The following MDGA1 variants were observed in gnomAD, a reference collection of about 807,000 sequenced individuals.
MDGA1 encodes MAM domain containing glycosylphosphatidylinositol anchor 1.
MDGA1 carries 54 observed loss-of-function variants against 101.5 expected under a neutral mutation model. The observed-to-expected ratio is 0.53, with a 90% CI of 0.43 to 0.67. MDGA1 has a LOEUF of 0.67. MDGA1 is among the 30% of genes least tolerant of loss of function. The probability of loss-of-function intolerance (pLI) is 0.00; values close to 1 mark genes in which losing one functional copy is unlikely to be tolerated. For missense variants in MDGA1, 1,083 were observed against 1,323.8 expected (o/e 0.82, Z 2.82); for synonymous variants, 533 against 558.3 (o/e 0.95, Z 0.64).
intron 1 of MDGA1, among the ~76,000 whole-genome samples, chr6:37,667,082 A>G (rs1761772152): frequency 6.6e-6 from 1 of 152,240 alleles, no homozygotes; most frequent in Admixed American, 6.5e-5. Flanking sequence ...GCCTTCCCCC[A>G]ACACTGATGG....
intron 1 of MDGA1, among the ~76,000 whole-genome samples, chr6:37,679,644 A>T (rs1235837386): frequency 6.6e-6 from 1 of 152,208 alleles, no homozygotes; most frequent in South Asian, 2.1e-4. Context: ...TCAGCCAGTG[A>T]CAGCGGCAGC....
intron 1 of MDGA1, among the ~76,000 whole-genome samples, chr6:37,687,979 TG>T (rs5875591): frequency 0.41 from 62,531 of 152,032 alleles, 13,220 homozygotes; most frequent in African/African-American, 0.48. Context: ...CCTGGGCTCT[TG>T]GCCTGGACCC....
intron 1 of MDGA1, among the ~76,000 whole-genome samples, chr6:37,668,022 G>A (rs961645585): frequency 1.3e-5 from 2 of 151,890 alleles, no homozygotes; most frequent in African/African-American, 2.4e-5. Context: ...AGGCTGAGGC[G>A]GGAGGATCAC....
At chr6:37,662,218 T>C (rs1411649050) in intron 2 of MDGA1, among the ~76,000 whole-genome samples, 1 of 149,122 alleles carries the variant, frequency 6.7e-6, no homozygotes, top group African/African-American at 2.5e-5. Context: ...GGGAGGTCAG[T>C]TTAGAGTCTA....
At chr6:37,643,581 G>T (rs1764143822) in intron 14 of MDGA1, among the ~76,000 whole-genome samples, 1 of 152,152 alleles carries the variant, frequency 6.6e-6, no homozygotes, top group Non-Finnish European at 1.5e-5. Flanking sequence ...CCCTGCTGGG[G>T]TCTTCTATCT....
chr6:37,684,169 G>A (rs1169798427), intron 1 of MDGA1, among the ~76,000 whole-genome samples: 1 of 152,212 alleles, frequency 6.6e-6, no homozygotes, highest in Admixed American at 6.5e-5. Context: ...CAGTGGCAGT[G>A]CTTCTGCCAG....
intron 1 of MDGA1, among the ~76,000 whole-genome samples, chr6:37,694,413 C>T (rs1379263281): frequency 6.6e-6 from 1 of 152,198 alleles, no homozygotes; most frequent in Non-Finnish European, 1.5e-5. Context: ...GCTGTTGTGC[C>T]GGGGACCATG....
At chr6:37,681,880 C>A (rs1324080216) in intron 1 of MDGA1, among the ~76,000 whole-genome samples, 6 of 152,248 alleles carry the variant, frequency 3.9e-5, no homozygotes, top group Non-Finnish European at 8.8e-5. Context: ...GGGAGTGAAC[C>A]AGACAAGGGT....
rs1049247701 is a variant in MDGA1 at position 37,642,361 on chromosome 6, G to A, written c.2536+1448C>T. Among the ~76,000 whole-genome samples the A allele has an allele frequency of 4.6e-5, 7 of 151,824 alleles. No homozygotes were observed. In the South Asian group the frequency reaches 6.3e-4, roughly 14 times the overall value. On this transcript the variant is annotated intron_variant, in intron 14 of 16. Transcript: ENST00000434837. ...TAATTTTTGTATTTTTAGTAGAGAC[G>A]AGGTTTCGCCATGTTAGCCAGGCTG...
intron 1 of MDGA1, among the ~76,000 whole-genome samples, chr6:37,672,860 G>A (rs968519472): frequency 2.0e-5 from 3 of 152,090 alleles, no homozygotes; most frequent in Non-Finnish European, 2.9e-5. Flanking sequence ...TAAGAACGAT[G>A]CTTATAAAGG....
intron 13 of MDGA1, 119 bp downstream of exon 13, chr6:37,644,378 A>C: frequency 8.9e-7 from 1 of 1,122,964 alleles, no homozygotes; most frequent in Non-Finnish European, 1.2e-6. Context: ...CTCCCTGAGA[A>C]CAGGGCTGCG....
intron 2 of MDGA1, 138 bp downstream of exon 2, chr6:37,663,829 C>T (rs1761680073): frequency 2.1e-6 from 2 of 957,616 alleles, no homozygotes; most frequent in Non-Finnish European, 3.0e-6. Flanking sequence ...TGCTATTTCC[C>T]CAGCCCCCAT....
At chr6:37,685,073 G>A (rs1462300212) in intron 1 of MDGA1, among the ~76,000 whole-genome samples, 6 of 152,236 alleles carry the variant, frequency 3.9e-5, no homozygotes, top group African/African-American at 1.2e-4. Context: ...AGGCCGAGGC[G>A]GGCAGATTGC....
At chr6:37,690,504 C>T (rs1366273704) in intron 1 of MDGA1, among the ~76,000 whole-genome samples, 2 of 152,192 alleles carry the variant, frequency 1.3e-5, no homozygotes, top group Non-Finnish European at 2.9e-5. Flanking sequence ...CCTGGCCAGG[C>T]ACAGTGGCTC....
At chr6:37,671,078 C>A (rs1009353793) in intron 1 of MDGA1, among the ~76,000 whole-genome samples, 1 of 152,182 alleles carries the variant, frequency 6.6e-6, no homozygotes, top group Non-Finnish European at 1.5e-5. Flanking sequence ...TCCTATTTTA[C>A]TCTCCTGATT....
At chr6:37,677,928 A>G (rs561532375) in intron 1 of MDGA1, among the ~76,000 whole-genome samples, 8 of 152,288 alleles carry the variant, frequency 5.3e-5, no homozygotes, top group Admixed American at 1.3e-4. Flanking sequence ...AGGGGGAGAT[A>G]GGGGTGCTGC....
At chr6:37,689,710 T>C (rs1762269803) in intron 1 of MDGA1, among the ~76,000 whole-genome samples, 1 of 152,216 alleles carries the variant, frequency 6.6e-6, no homozygotes. Context: ...CAGTGGCTTT[T>C]GTTCAACCTG....
At position 37,649,091 on chromosome 6, in the gene MDGA1, C is replaced by T. The variant is rs964575675; in HGVS notation, c.1785G>A (p.Pro595=). 2.1e-5 allele frequency: 32 copies of T among 1,524,992 alleles called. No homozygotes were observed. The highest frequency in any genetic ancestry group is 2.5e-5 in the Non-Finnish European group (29 of 1,138,036). The allele number at this position is 1,524,992 out of a possible 1,614,324, so 94.5% of individuals were successfully genotyped here. A position where few individuals can be genotyped will look rare whatever the true frequency, so the allele number is the denominator to read the frequency against. The change falls in exon 9 of 17, where the codon CCG becomes CCA. Residue 595 remains proline, a synonymous_variant. Coordinates refer to ENST00000434837, the MANE Select transcript of MDGA1 (RefSeq NM_153487.4). ...PPVVPAAAEA[P]DHAELRLDAV... ...CGTCGAGGCGCAGCTCCGCGTGATC[C>T]GGCGCCTCGGCGGCGGCGGGAACAA...
intron 1 of MDGA1, among the ~76,000 whole-genome samples, chr6:37,688,829 C>T (rs892297115): frequency 3.3e-5 from 5 of 152,204 alleles, no homozygotes; most frequent in African/African-American, 1.2e-4. Context: ...GAGGCGAGGC[C>T]ATTGGGCAAG....
Sources: gnomAD v4.1 joint callset for allele counts (sites outside exome capture counted in the v4.1 genomes callset) on GRCh38, gnomAD v4.1.1 for gene constraint, MANE v1.5 for transcripts, NCBI Gene and HGNC (gene_info 2026-07-23, HGNC 2026-07-21) for gene names.